The following HCRTR2 variants were observed in gnomAD, a reference collection of about 807,000 sequenced individuals.
The protein encoded by HCRTR2 is hypocretin receptor 2.
Under a neutral mutation model 49.0 loss-of-function variants are expected in HCRTR2, and 22 were observed. The ratio of observed to expected loss-of-function variants is 0.45; its 90% CI spans 0.32 to 0.64. The LOEUF is 0.64. Among genes scored for constraint, HCRTR2 ranks in the 30% least tolerant of loss-of-function variants. HCRTR2 has a pLI of 0.04. For missense variants in HCRTR2, 491 were observed against 559.4 expected, an observed-to-expected ratio of 0.88 and a Z score of 1.23; for synonymous variants, 236 against 205.3, an observed-to-expected ratio of 1.15 and a Z score of -1.28.
intron 1 of HCRTR2, among the ~76,000 whole-genome samples, chr6:55,219,020 C>T (rs9475202): frequency 0.028 from 4,220 of 152,158 alleles, 196 homozygotes; most frequent in African/African-American, 0.097. Context: ...GATGAAGTCT[C>T]GTATATTGCC....
intron 1 of HCRTR2, among the ~76,000 whole-genome samples, chr6:55,157,462 G>T (rs1227528581): frequency 6.6e-6 from 1 of 152,214 alleles, no homozygotes; most frequent in Non-Finnish European, 1.5e-5. Flanking sequence ...AGAACTTGTT[G>T]CCCTGAAGGG....
intron 4 of HCRTR2, among the ~76,000 whole-genome samples, chr6:55,272,025 A>T (rs950714632): frequency 1.3e-5 from 2 of 152,168 alleles, no homozygotes; most frequent in African/African-American, 4.8e-5. Flanking sequence ...GACCCAGAGA[A>T]CTGAAGACAT....
At chr6:55,139,305 G>T (rs1028115542) in intron 1 of HCRTR2, among the ~76,000 whole-genome samples, 1 of 152,140 alleles carries the variant, frequency 6.6e-6, no homozygotes, top group Non-Finnish European at 1.5e-5. Flanking sequence ...GACTACACTT[G>T]CTGCAGCCTA....
rs529689431 is a variant in HCRTR2, at chr6:55,271,786, C to T, written c.763-5594C>T. Reference sequence around the variant, plus strand: ...CATAAGAAGGTGCTTAACATCATTACTCATTAGAGAAATATTAATCAAAAT... The same window carrying T: ...CATAAGAAGGTGCTTAACATCATTATTCATTAGAGAAATATTAATCAAAAT... On this transcript the variant is annotated intron_variant, in intron 4 of 6. Coordinates refer to ENST00000370862, the MANE Select transcript of HCRTR2 (RefSeq NM_001384272.1). Among the ~76,000 whole-genome samples, 9 of 152,176 alleles carry T rather than the reference C, an allele frequency of 5.9e-5. No homozygotes were observed. In the South Asian group the frequency reaches 1.9e-3, roughly 32 times the overall value.
intron 1 of HCRTR2, among the ~76,000 whole-genome samples, chr6:55,206,624 A>C (rs1443743195): frequency 2.0e-5 from 3 of 152,066 alleles, no homozygotes; most frequent in Non-Finnish European, 4.4e-5. Context: ...CTTTCTAAAA[A>C]TATCAGCAAA....
At chr6:55,255,443 G>C (rs1766634611) in intron 3 of HCRTR2, 64 bp downstream of exon 3, 1 of 1,567,308 alleles carries the variant, frequency 6.4e-7, no homozygotes, top group Non-Finnish European at 8.8e-7. Flanking sequence ...AATTGGATTA[G>C]CATAGCCATT....
intron 1 of HCRTR2, among the ~76,000 whole-genome samples, chr6:55,116,085 A>G (rs1764112053): frequency 6.6e-6 from 1 of 151,602 alleles, no homozygotes; most frequent in African/African-American, 2.4e-5. Context: ...AATATTATCA[A>G]TATATTGGCT....
intron 1 of HCRTR2, among the ~76,000 whole-genome samples, chr6:55,232,426 T>G (rs1266732115): frequency 6.6e-6 from 1 of 152,206 alleles, no homozygotes; most frequent in Non-Finnish European, 1.5e-5. Context: ...TTGTTGTTCT[T>G]TCCTTGAATA....
At chr6:55,244,219 T>C (rs1183954303) in intron 1 of HCRTR2, among the ~76,000 whole-genome samples, 1 of 152,068 alleles carries the variant, frequency 6.6e-6, no homozygotes, top group Non-Finnish European at 1.5e-5. Flanking sequence ...AGAGCTCTCA[T>C]TGAAATGGAA....
intron 3 of HCRTR2, among the ~76,000 whole-genome samples, chr6:55,259,094 T>C (rs1208921246): frequency 6.6e-6 from 1 of 152,120 alleles, no homozygotes; most frequent in East Asian, 1.9e-4. Flanking sequence ...CAATCAAAGT[T>C]ATATTTTCTT....
At chr6:55,232,612 T>C (rs1332086001) in intron 1 of HCRTR2, among the ~76,000 whole-genome samples, 1 of 152,230 alleles carries the variant, frequency 6.6e-6, no homozygotes, top group Non-Finnish European at 1.5e-5. Context: ...TATTCAGAGA[T>C]AGAAATCTTG....
chr6:55,241,036 A>G (rs1414464964), intron 1 of HCRTR2, among the ~76,000 whole-genome samples: 1 of 151,216 alleles, frequency 6.6e-6, no homozygotes, highest in Non-Finnish European at 1.5e-5. Context: ...GGTTAGTTAC[A>G]TATGTATACA....
At chr6:55,110,311 A>G (rs1216512663) in intron 1 of HCRTR2, among the ~76,000 whole-genome samples, 1 of 151,996 alleles carries the variant, frequency 6.6e-6, no homozygotes, top group Non-Finnish European at 1.5e-5. Flanking sequence ...TAACACAACA[A>G]CAACAACAAA....
intron 1 of HCRTR2, among the ~76,000 whole-genome samples, chr6:55,227,593 T>C (rs1249250285): frequency 6.6e-6 from 1 of 152,188 alleles, no homozygotes. Flanking sequence ...GACTATTGAC[T>C]GTCTTAGTAT....
At chr6:55,178,176 G>T (rs1394582042) in intron 1 of HCRTR2, among the ~76,000 whole-genome samples, 1 of 152,106 alleles carries the variant, frequency 6.6e-6, no homozygotes, top group Non-Finnish European at 1.5e-5. Context: ...TTCCTTGAAT[G>T]ACAATTGTAG....
chr6:55,277,201 C>T (rs762432482), intron 4 of HCRTR2, among the ~76,000 whole-genome samples, 179 bp from the exon 5 acceptor site: 1 of 152,072 alleles, frequency 6.6e-6, no homozygotes, highest in Non-Finnish European at 1.5e-5. Flanking sequence ...ATTTGGTATT[C>T]GTCTGAATTA....
At chr6:55,214,036 G>C (rs986670799) in intron 1 of HCRTR2, among the ~76,000 whole-genome samples, 4 of 151,756 alleles carry the variant, frequency 2.6e-5, no homozygotes, top group Admixed American at 2.6e-4. Context: ...ATGGAACCTA[G>C]CATATTCTAG....
chr6:55,254,708 G>A (rs1426172117), intron 2 of HCRTR2, among the ~76,000 whole-genome samples: 1 of 150,002 alleles, frequency 6.7e-6, no homozygotes, highest in Non-Finnish European at 1.5e-5. Flanking sequence ...TAATTTAGAA[G>A]AAAGACATAT....
chr6:55,242,401 C>T lies in HCRTR2; in HGVS notation c.224-6238C>T, dbSNP rs80259032. On this transcript the variant is annotated intron_variant, in intron 1 of 6. Coordinates refer to ENST00000370862, the MANE Select transcript of HCRTR2 (RefSeq NM_001384272.1). ...AGCCCCTGGGGGAAAAAAAAATCTACTTTCTATCTGTCTGATATGATTGCT... is the reference window on the plus strand; with the variant it reads ...AGCCCCTGGGGGAAAAAAAAATCTATTTTCTATCTGTCTGATATGATTGCT... Among the ~76,000 whole-genome samples the T allele has an allele frequency of 1.7e-3, 254 of 152,068 alleles. 3 individuals carry two copies. The East Asian group carries it at 0.035, about 21-fold the overall frequency.
Sources: allele counts gnomAD v4.1 joint callset (sites outside exome capture counted in the v4.1 genomes callset), GRCh38; gene constraint gnomAD v4.1.1; transcripts MANE v1.5; gene names NCBI Gene and HGNC (gene_info 2026-07-23, HGNC 2026-07-21).